Variants in MPPE1 observed in about 807,000 individuals in gnomAD.
MPPE1 encodes metallophosphoesterase 1.
In MPPE1, 28 loss-of-function variants were observed where a neutral mutation model predicts 43.8. That is an observed-to-expected ratio of 0.64 (90% CI 0.47 to 0.88). The LOEUF (loss-of-function observed/expected upper bound fraction) is 0.88. MPPE1 is among the 40% of genes least tolerant of loss of function. The probability of loss-of-function intolerance (pLI) is 0.00; values close to 1 mark genes in which losing one functional copy is unlikely to be tolerated. For missense variants in MPPE1, 428 were observed against 492.2 expected (o/e 0.87, Z 1.23); for synonymous variants, 159 against 188.5 (o/e 0.84, Z 1.28).
chr18:11,904,509 G>A (rs1225989429), intron 2 of MPPE1, among the ~76,000 whole-genome samples: 1 of 152,052 alleles, frequency 6.6e-6, no homozygotes, highest in Non-Finnish European at 1.5e-5. Flanking sequence ...TGTAGAGACA[G>A]GGTTTCACCA....
rs761013965 is a variant in MPPE1 at position 11,886,478 on chromosome 18, C to T, written c.867+21G>A. ...AGAGTCACACTGTGACATGAATTAG[C>T]ATCACGACACCCTGGCAAACCTTTT... On this transcript the variant is annotated intron_variant, in intron 9 of 10. Transcript: ENST00000588072. This position sits in a 1 kb window ranked among gnomAD's most constrained non-coding sequence, Gnocchi z 4.1. 23 of 1,614,022 alleles carry T rather than the reference C, an allele frequency of 1.4e-5. No individual in the cohort carries two copies. Among genetic ancestry groups the T allele is most frequent in the Non-Finnish European group, 1.9e-5 (22 of 1,180,042 alleles).
In MPPE1 at chr18:11,884,803, C is replaced by T. The variant is rs532613214; in HGVS notation, c.1009-176G>A. 10 of 1,388,834 alleles carry T rather than the reference C, an allele frequency of 7.2e-6. No individual in the cohort carries two copies. In the East Asian group the frequency reaches 7.8e-5, roughly 11 times the overall value. The allele number at this position is 1,388,834 out of a possible 1,614,324, so 86.0% of individuals were successfully genotyped here. On this transcript the variant is annotated intron_variant, in intron 10 of 10. Coordinates refer to ENST00000588072, the MANE Select transcript of MPPE1 (RefSeq NM_023075.6). ...GCCTTCTCCCTGCACAGCTCACCCC[C>T]GACCAGCCCAGGCTCCAGCAGGAGA...
chr18:11,886,416 A>G lies in MPPE1; in HGVS notation c.867+83T>C. 1 of 1,598,870 alleles carries G rather than the reference A, an allele frequency of 6.3e-7. No individual in the cohort carries two copies. The highest frequency in any genetic ancestry group is 1.1e-5 in the South Asian group (1 of 90,654). ...GAACGTTTCAGCAAACACCTGCTCT[A>G]GCCTGGGCACTCTGCTTGTTGACAT... On this transcript the variant is annotated intron_variant, in intron 9 of 10. Coordinates refer to ENST00000588072, the MANE Select transcript of MPPE1 (RefSeq NM_023075.6). This position sits in a 1 kb window ranked among gnomAD's most constrained non-coding sequence, Gnocchi z 4.1.
rs560365688 is a variant in MPPE1 at position 11,888,679 on chromosome 18, T to A, written c.559A>T (p.Lys187Ter). 2 of 1,597,988 alleles carry A rather than the reference T, an allele frequency of 1.3e-6. No homozygotes were observed. Among genetic ancestry groups the A allele is most frequent in the South Asian group, 2.3e-5 (2 of 88,634 alleles). Residue 187 changes from lysine to a stop codon, truncating the protein, a stop_gained, in exon 6 of 11, where the codon AAA becomes TAA. Transcript: ENST00000588072. LOFTEE classifies it high-confidence loss of function. The stretch of plus-strand genomic sequence containing the variant: ...ACAAATAATACTCACTTAATGCCTT[T>A]CCAAGAAAACAGTCTTTCAGAGCTG... ...VFSSERLFSW[K>*]GINFVMVNSV...
At chr18:11,896,444 T>C (rs143281371) in intron 3 of MPPE1, among the ~76,000 whole-genome samples, 2,267 of 152,188 alleles carry the variant, frequency 0.015, 28 homozygotes, top group South Asian at 0.024. Context: ...AAAAAAACAA[T>C]GGACCATGCA....
At position 11,886,272 on chromosome 18, in the gene MPPE1, C is replaced by A; in HGVS notation, c.867+227G>T. On this transcript the variant is annotated intron_variant, in intron 9 of 10. Transcript: ENST00000588072. This position sits in a 1 kb window ranked among gnomAD's most constrained non-coding sequence, Gnocchi z 4.1. ...AAAGAATAGCTGAGACTATTACTGA[C>A]TTGAGGGTAGGAAACAGAAGTAGGT... The A allele has an allele frequency of 1.8e-6, 1 of 566,988 alleles. No individual in the cohort carries two copies. The highest frequency in any genetic ancestry group is 3.1e-6 in the Non-Finnish European group (1 of 324,252). The allele number at this position is 566,988 out of a possible 1,614,324, so 35.1% of individuals were successfully genotyped here. A position where few individuals can be genotyped will look rare whatever the true frequency, so the allele number is the denominator to read the frequency against.
At chr18:11,885,029 C>T (rs1209417731) in intron 10 of MPPE1, 1 of 1,295,932 alleles carries the variant, frequency 7.7e-7, no homozygotes, top group South Asian at 1.2e-5. Context: ...TGATGCTCAA[C>T]TAAGCATCTG....
Position 11,886,680 on chromosome 18 carries a change from G to A in MPPE1, c.744+33C>T, listed in dbSNP as rs1399700853. 6.2e-6 allele frequency: 10 copies of A among 1,613,830 alleles called. No individual in the cohort carries two copies. The highest frequency in any genetic ancestry group is 8.5e-6 in the Non-Finnish European group (10 of 1,180,030). ...ATCGTGAAACCACAGGCTGCCTGCT[G>A]TCTGCCATGAGCCCTTTCCTCCCCC... is the stretch of plus-strand genomic sequence containing the variant. On this transcript the variant is annotated intron_variant, in intron 8 of 10. Coordinates refer to ENST00000588072, the MANE Select transcript of MPPE1 (RefSeq NM_023075.6). This position sits in a 1 kb window ranked among gnomAD's most constrained non-coding sequence, Gnocchi z 4.1.
chr18:11,892,526 G>A (rs113690569), intron 4 of MPPE1, among the ~76,000 whole-genome samples: 1,537 of 151,650 alleles, frequency 0.01, 15 homozygotes, highest in African/African-American at 0.025. Flanking sequence ...AAAATTAGCC[G>A]GGCGTGGTGA....
chr18:11,890,140 C>T (rs2144299231), intron 4 of MPPE1, among the ~76,000 whole-genome samples: 1 of 151,630 alleles, frequency 6.6e-6, no homozygotes, highest in South Asian at 2.1e-4. Context: ...GACGGGGTTT[C>T]ACTGTGTTAG....
At chr18:11,907,335 T>C (rs1347484842) in intron 1 of MPPE1, among the ~76,000 whole-genome samples, 1 of 152,166 alleles carries the variant, frequency 6.6e-6, no homozygotes, top group Non-Finnish European at 1.5e-5. Flanking sequence ...CATACCTTTA[T>C]GGACCGAACC....
chr18:11,900,141 G>A (rs1471340148), intron 2 of MPPE1, among the ~76,000 whole-genome samples: 42 of 152,190 alleles, frequency 2.8e-4, no homozygotes, highest in Non-Finnish European at 1.5e-4. Flanking sequence ...GAGGTCAGGA[G>A]TTCGAGACTA....
chr18:11,894,155 A>T (rs1209552913), intron 3 of MPPE1, among the ~76,000 whole-genome samples: 1 of 152,076 alleles, frequency 6.6e-6, no homozygotes, highest in African/African-American at 2.4e-5. Flanking sequence ...GAGGCTGGGT[A>T]TGGTGGCTCA....
At position 11,889,368 on chromosome 18, in the gene MPPE1, G is replaced by A; in HGVS notation, c.494+19C>T. Reference sequence around the variant, plus strand: ...TTAACAAGAGCTCTCAGGGTGCAGGGCTTTTGTGAACTACTTACTCATAAT... The same window carrying A: ...TTAACAAGAGCTCTCAGGGTGCAGGACTTTTGTGAACTACTTACTCATAAT... On this transcript the variant is annotated intron_variant, in intron 5 of 10. Transcript: ENST00000588072. The A allele has an allele frequency of 6.7e-7, 1 of 1,500,904 alleles. No homozygotes were observed. The highest frequency in any genetic ancestry group is 9.2e-7 in the Non-Finnish European group (1 of 1,082,822). The allele number at this position is 1,500,904 out of a possible 1,614,324, so 93.0% of individuals were successfully genotyped here. A position where few individuals can be genotyped will look rare whatever the true frequency, so the allele number is the denominator to read the frequency against.
intron 4 of MPPE1, among the ~76,000 whole-genome samples, chr18:11,890,692 A>AT (rs1198927621): frequency 6.6e-6 from 1 of 152,234 alleles, no homozygotes; most frequent in Non-Finnish European, 1.5e-5. Flanking sequence ...TCATACACCT[A>AT]TTATTTCAAG....
intron 3 of MPPE1, among the ~76,000 whole-genome samples, chr18:11,895,635 C>A (rs547031861): frequency 6.6e-6 from 1 of 151,866 alleles, no homozygotes; most frequent in African/African-American, 2.4e-5. Context: ...AACTCTGGTG[C>A]TCAAAGTAGC....
At chr18:11,903,185 C>T (rs114262492) in intron 2 of MPPE1, among the ~76,000 whole-genome samples, 60 of 152,196 alleles carry the variant, frequency 3.9e-4, no homozygotes, top group African/African-American at 1.3e-3. Context: ...TAGCAGCCAG[C>T]GCCAAGGAGA....
Position 11,893,397 on chromosome 18 carries a change from T to C in MPPE1, c.390+71A>G, listed in dbSNP as rs2038222407. 2.8e-6 allele frequency: 3 copies of C among 1,058,340 alleles called. No individual in the cohort carries two copies. The Admixed American group carries it at 5.6e-5, about 20-fold the overall frequency. The allele number at this position is 1,058,340 out of a possible 1,614,324, so 65.6% of individuals were successfully genotyped here. On this transcript the variant is annotated intron_variant, in intron 4 of 10. Coordinates refer to ENST00000588072, the MANE Select transcript of MPPE1 (RefSeq NM_023075.6). ...ATCTCCAGCTCAAGCTGACACTGAT[T>C]CGTGGATTCTCTGGGATACTTGTGC...
intron 4 of MPPE1, among the ~76,000 whole-genome samples, chr18:11,890,028 T>C (rs980551703): frequency 1.9e-4 from 28 of 151,330 alleles, no homozygotes; most frequent in East Asian, 4.0e-4. Flanking sequence ...CTGCAAGCTC[T>C]GCCTCCGGGG....
Sources: gnomAD v4.1 joint callset for allele counts (sites outside exome capture counted in the v4.1 genomes callset) on GRCh38, gnomAD v4.1.1 for gene constraint, Gnocchi (gnomAD v3.1) non-coding constraint, MANE v1.5 for transcripts, NCBI Gene and HGNC (gene_info 2026-07-23, HGNC 2026-07-21) for gene names.